Variants in ASCC1 observed in about 807,000 individuals in gnomAD.
ASCC1 encodes activating signal cointegrator 1 complex subunit 1.
Under a neutral mutation model 46.6 loss-of-function variants are expected in ASCC1, and 35 were observed. The ratio of observed to expected loss-of-function variants is 0.75; its 90% CI spans 0.57 to 0.99. The LOEUF is 0.99. ASCC1 is among the 50% of genes least tolerant of loss of function. The pLI is 0.00. For synonymous variants in ASCC1, 143 were observed against 146.6 expected, an observed-to-expected ratio of 0.98 and a Z score of 0.18; for missense variants, 376 against 428.7, an observed-to-expected ratio of 0.88 and a Z score of 1.09.
chr10:72,165,439 C>T (rs1440856451), intron 5 of ASCC1, among the ~76,000 whole-genome samples: 2 of 152,220 alleles, frequency 1.3e-5, no homozygotes, highest in Non-Finnish European at 2.9e-5. Context: ...TCTATTCCAA[C>T]AGGAATGAAA....
chr10:72,154,493 G>GT (rs375316111), intron 6 of ASCC1, among the ~76,000 whole-genome samples: 1,879 of 139,804 alleles, frequency 0.013, 19 homozygotes, highest in Middle Eastern at 0.04. Flanking sequence ...TATGCATAGG[G>GT]TTTTTTTTTT....
intron 3 of ASCC1, among the ~76,000 whole-genome samples, chr10:72,207,424 A>C (rs1468523444): frequency 6.6e-6 from 1 of 152,204 alleles, no homozygotes; most frequent in Non-Finnish European, 1.5e-5. Flanking sequence ...AAAATAATAA[A>C]ATAAATAAAA....
chr10:72,165,446 G>T (rs1235033787), intron 5 of ASCC1, among the ~76,000 whole-genome samples: 2 of 152,214 alleles, frequency 1.3e-5, no homozygotes, highest in Non-Finnish European at 1.5e-5. Context: ...CAACAGGAAT[G>T]AAACAGGAAT....
At chr10:72,150,827 C>T (rs148600943) in intron 7 of ASCC1, among the ~76,000 whole-genome samples, 2,047 of 152,208 alleles carry the variant, frequency 0.013, 53 homozygotes, top group African/African-American at 0.048. Context: ...TTTATGCAGC[C>T]AACAGACACA....
In ASCC1 at chr10:72,097,394, C is replaced by T; in HGVS notation, c.1014G>A (p.Gln338=). The T allele has an allele frequency of 6.2e-7, 1 of 1,614,052 alleles. No individual in the cohort carries two copies. ...SLKLNSIHIS[Q]RFTVDSFGNY... is the part of the protein sequence containing the mutation. Reference sequence around the variant, plus strand: ...TTCCAAAGCTGTCTACGGTGAACCTCTGAGAGATGTGAATTGAATTCAGCT... The same window carrying T: ...TTCCAAAGCTGTCTACGGTGAACCTTTGAGAGATGTGAATTGAATTCAGCT... Residue 338 remains glutamine, a synonymous_variant, in exon 10 of 10, where the codon CAG becomes CAA. Coordinates refer to ENST00000672957, the MANE Select transcript of ASCC1 (RefSeq NM_001198800.3).
At chr10:72,133,407 T>C (rs761786798) in intron 7 of ASCC1, 19 of 517,744 alleles carry the variant, frequency 3.7e-5, no homozygotes, top group Non-Finnish European at 6.3e-5. Flanking sequence ...CAATATATTA[T>C]GGTGAGCGTG....
intron 3 of ASCC1, among the ~76,000 whole-genome samples, chr10:72,208,386 A>G (rs1201313837): frequency 6.6e-6 from 1 of 151,402 alleles, no homozygotes; most frequent in Non-Finnish European, 1.5e-5. Flanking sequence ...AAAAAATGTC[A>G]CTAGAGCCTG....
chr10:72,188,869 A>C (rs959873843), intron 5 of ASCC1, among the ~76,000 whole-genome samples: 5 of 151,600 alleles, frequency 3.3e-5, no homozygotes, highest in Non-Finnish European at 7.4e-5. Context: ...GCATCCTCCC[A>C]CCTCAGCCTC....
chr10:72,190,902 A>G (rs551173241), intron 5 of ASCC1, among the ~76,000 whole-genome samples: 42 of 147,878 alleles, frequency 2.8e-4, no homozygotes, highest in Admixed American at 6.1e-4. Context: ...AGGCTGAGGC[A>G]GGAGAATCGC....
At chr10:72,171,378 C>T (rs761166066) in intron 5 of ASCC1, among the ~76,000 whole-genome samples, 8 of 152,144 alleles carry the variant, frequency 5.3e-5, no homozygotes, top group African/African-American at 1.2e-4. Context: ...TCACTTCAAT[C>T]TCCACTTTAA....
At chr10:72,186,628 A>G (rs1472952394) in intron 5 of ASCC1, among the ~76,000 whole-genome samples, 3 of 152,286 alleles carry the variant, frequency 2.0e-5, no homozygotes, top group African/African-American at 7.2e-5. Flanking sequence ...TGTCATTCTA[A>G]CATCAGAATG....
At chr10:72,179,367 C>T (rs1368636430) in intron 5 of ASCC1, among the ~76,000 whole-genome samples, 10 of 152,166 alleles carry the variant, frequency 6.6e-5, no homozygotes, top group Non-Finnish European at 1.2e-4. Context: ...AGGCTGTTCT[C>T]ACTTGAAAAT....
chr10:72,100,514 ACCATGCCCAGC>A (rs2131883423), intron 9 of ASCC1, among the ~76,000 whole-genome samples: 2 of 152,250 alleles, frequency 1.3e-5, no homozygotes, highest in African/African-American at 4.8e-5. Context: ...GGCATGAGCC[ACCATGCCCAGC>A]CTATTATATC....
rs999028011 is a variant in ASCC1, at chr10:72,096,261, C to G, written c.*1073G>C. ...TGGGAGGCTGGGGCTCCCCAGCATT[C>G]CCGCCTCCCTCTGCTGGTCCGTGGT... On this transcript the variant is annotated 3_prime_UTR_variant, in exon 10 of 10. Transcript: ENST00000672957. The G allele has an allele frequency of 2.2e-6, 1 of 454,038 alleles. No homozygotes were observed. Among genetic ancestry groups the G allele is most frequent in the Non-Finnish European group, 4.4e-6 (1 of 226,772 alleles). The allele number at this position is 454,038 out of a possible 1,614,324, so 28.1% of individuals were successfully genotyped here. A position where few individuals can be genotyped will look rare whatever the true frequency, so the allele number is the denominator to read the frequency against.
chr10:72,130,797 C>G (rs950049567), intron 8 of ASCC1, among the ~76,000 whole-genome samples: 1 of 152,184 alleles, frequency 6.6e-6, no homozygotes, highest in African/African-American at 2.4e-5. Context: ...TGCTCAATAA[C>G]CCCATGTGTC....
intron 9 of ASCC1, among the ~76,000 whole-genome samples, chr10:72,113,137 T>C (rs1241092809): frequency 6.6e-6 from 1 of 152,234 alleles, no homozygotes; most frequent in East Asian, 1.9e-4. Flanking sequence ...GTGTTTTATA[T>C]TTAGTAGGTA....
At chr10:72,188,325 G>C (rs1853826221) in intron 5 of ASCC1, among the ~76,000 whole-genome samples, 1 of 151,592 alleles carries the variant, frequency 6.6e-6, no homozygotes, top group Admixed American at 6.6e-5. Flanking sequence ...CACTATTTTG[G>C]CCAGGCTGGT....
intron 5 of ASCC1, among the ~76,000 whole-genome samples, chr10:72,161,994 T>C (rs12262689): frequency 0.13 from 19,997 of 151,874 alleles, 4,162 homozygotes; most frequent in African/African-American, 0.44. Flanking sequence ...ATAAACTGGA[T>C]TTCACCAAAT....
At chr10:72,159,106 T>C (rs1363500886) in intron 6 of ASCC1, 3 of 152,322 alleles carry the variant, frequency 2.0e-5, no homozygotes, top group South Asian at 4.1e-4. Context: ...TCCACATCTT[T>C]CCAGCTTTTT....
Sources: allele counts gnomAD v4.1 joint callset (sites outside exome capture counted in the v4.1 genomes callset), GRCh38; gene constraint gnomAD v4.1.1; transcripts MANE v1.5; gene names NCBI Gene and HGNC (gene_info 2026-07-23, HGNC 2026-07-21).